The following WDR7 variants were observed in gnomAD, a reference collection of about 807,000 sequenced individuals.
The protein encoded by WDR7 is WD repeat-containing protein 7.
A neutral mutation model predicts 169.4 loss-of-function variants in WDR7; 46 were observed. The ratio of observed to expected loss-of-function variants is 0.27; its 90% confidence interval spans 0.21 to 0.35. The LOEUF (loss-of-function observed/expected upper bound fraction) is 0.35, where lower values mean the gene tolerates loss of function less well. Ranked by LOEUF, WDR7 falls within the 10% of genes least tolerant of loss-of-function variation. The pLI, the probability that WDR7 is intolerant of heterozygous loss-of-function variation, is 1.00. For missense variants in WDR7, 1,534 were observed against 1,859.3 expected (o/e 0.83, Z 3.22); for synonymous variants, 612 against 666.8 (o/e 0.92, Z 1.27).
intron 22 of WDR7, among the ~76,000 whole-genome samples, chr18:56,926,946 C>T (rs2046816759): frequency 6.6e-6 from 1 of 151,884 alleles, no homozygotes; most frequent in Non-Finnish European, 1.5e-5. Flanking sequence ...CCCTGTTGGG[C>T]TGCCCCTTTT....
At chr18:56,802,047 T>C (rs1198849297) in intron 19 of WDR7, among the ~76,000 whole-genome samples, 1 of 152,220 alleles carries the variant, frequency 6.6e-6, no homozygotes, top group Admixed American at 6.5e-5. Context: ...AGTAGAACTG[T>C]CTTCCAAAGC....
Position 56,723,235 on chromosome 18 carries a change from G to A in WDR7, c.1774+5076G>A, listed in dbSNP as rs79770343. ...TTTTTTTTGTTTAAAACAAACAAAA[G>A]TATCTATGATATTTTAAGGAAATTT... On this transcript the variant is annotated intron_variant, in intron 13 of 27. Transcript: ENST00000254442. Among the ~76,000 whole-genome samples the A allele has an allele frequency of 2.7e-3, 410 of 151,034 alleles. 4 individuals carry two copies. In the East Asian group the frequency reaches 0.036, roughly 13 times the overall value.
chr18:56,789,802 C>T lies in WDR7; in HGVS notation c.3190+8146C>T, dbSNP rs556058994. ...AGTTGGTGGCAAGGCCCCTAGGAGG[C>T]GTAGCTGACTTTCTTAGAGGTGTTC... On this transcript the variant is annotated intron_variant, in intron 19 of 27. Transcript: ENST00000254442. 8.5e-5 allele frequency among the ~76,000 whole-genome samples: 13 copies of T among 152,340 alleles called. No homozygotes were observed. In the South Asian group the frequency reaches 2.3e-3, roughly 27 times the overall value.
intron 13 of WDR7, among the ~76,000 whole-genome samples, chr18:56,718,405 A>G (rs532238536): frequency 3.2e-4 from 48 of 152,236 alleles, no homozygotes; most frequent in Non-Finnish European, 6.2e-4. Context: ...TATGGACAAC[A>G]AAGTATATAT....
At chr18:57,014,835 T>C (rs1186171454) in intron 26 of WDR7, among the ~76,000 whole-genome samples, 3 of 151,728 alleles carry the variant, frequency 2.0e-5, no homozygotes, top group Non-Finnish European at 4.4e-5. Context: ...GGAAAGGTTA[T>C]AGTCACTGGG....
intron 14 of WDR7, 35 bp downstream of exon 14, chr18:56,731,632 A>T: frequency 1.3e-6 from 2 of 1,524,030 alleles, no homozygotes; most frequent in Non-Finnish European, 1.8e-6. Context: ...AAGTGTGTAG[A>T]CCCCATTTAA....
chr18:56,813,491 T>C (rs1288362540), intron 19 of WDR7, among the ~76,000 whole-genome samples: 1 of 151,950 alleles, frequency 6.6e-6, no homozygotes, highest in African/African-American at 2.4e-5. Context: ...CATGAATGGA[T>C]GTTGAATTTT....
intron 26 of WDR7, among the ~76,000 whole-genome samples, chr18:56,977,681 A>G (rs897580959): frequency 1.3e-5 from 2 of 152,262 alleles, no homozygotes; most frequent in African/African-American, 2.4e-5. Flanking sequence ...GAAAGGTATT[A>G]AAAACGTAGT....
At chr18:56,970,428 A>G (rs907116208) in intron 26 of WDR7, among the ~76,000 whole-genome samples, 2 of 152,144 alleles carry the variant, frequency 1.3e-5, no homozygotes, top group African/African-American at 4.8e-5. Context: ...TCAATATTTA[A>G]AAAAATGTAT....
At chr18:56,940,507 G>T (rs78341541) in intron 25 of WDR7, among the ~76,000 whole-genome samples, 1,839 of 152,230 alleles carry the variant, frequency 0.012, 51 homozygotes, top group African/African-American at 0.042. Context: ...TCTTGTGATG[G>T]GGTTTGGCAA....
At chr18:56,709,428 A>G (rs1439463565) in intron 12 of WDR7, among the ~76,000 whole-genome samples, 1 of 151,834 alleles carries the variant, frequency 6.6e-6, no homozygotes. Flanking sequence ...ATATAATTAC[A>G]TAATAATAAT....
At chr18:56,865,902 G>A (rs1215731409) in intron 20 of WDR7, among the ~76,000 whole-genome samples, 1 of 151,924 alleles carries the variant, frequency 6.6e-6, no homozygotes, top group Non-Finnish European at 1.5e-5. Flanking sequence ...AGATACCATG[G>A]TCCAAAACTT....
At chr18:56,715,464 G>A (rs1041136977) in intron 12 of WDR7, among the ~76,000 whole-genome samples, 1 of 152,188 alleles carries the variant, frequency 6.6e-6, no homozygotes, top group African/African-American at 2.4e-5. Context: ...TCAGTTAGAT[G>A]TGTGGCACTA....
At chr18:56,902,808 C>G (rs572740521) in intron 21 of WDR7, among the ~76,000 whole-genome samples, 1 of 152,186 alleles carries the variant, frequency 6.6e-6, no homozygotes, top group African/African-American at 2.4e-5. Flanking sequence ...TAATGAGTGA[C>G]TTATGACTCA....
intron 12 of WDR7, among the ~76,000 whole-genome samples, chr18:56,705,147 A>G (rs1382523072): frequency 1.3e-5 from 2 of 152,140 alleles, no homozygotes; most frequent in African/African-American, 2.4e-5. Context: ...ATATTTTTAA[A>G]TGGCAAAAAT....
intron 25 of WDR7, among the ~76,000 whole-genome samples, chr18:56,946,672 A>G (rs921020307): frequency 6.6e-6 from 1 of 151,764 alleles, no homozygotes; most frequent in Non-Finnish European, 1.5e-5. Flanking sequence ...TATGTTATGT[A>G]TGTGTGTGTA....
chr18:56,952,674 C>T (rs1033535593), intron 25 of WDR7, among the ~76,000 whole-genome samples: 17 of 152,104 alleles, frequency 1.1e-4, no homozygotes, highest in Admixed American at 6.6e-5. Context: ...TGGAGAAAAA[C>T]GTTTAAGTGG....
intron 5 of WDR7, among the ~76,000 whole-genome samples, chr18:56,683,270 A>G (rs538752566): frequency 6.6e-6 from 1 of 152,288 alleles, no homozygotes; most frequent in Admixed American, 6.5e-5. Flanking sequence ...GAGAGATTAT[A>G]CACAGTTAAA....
chr18:56,916,973 G>A (rs890861791), intron 21 of WDR7, among the ~76,000 whole-genome samples: 4 of 151,832 alleles, frequency 2.6e-5, no homozygotes, highest in East Asian at 1.9e-4. Flanking sequence ...CGAGGCAGGC[G>A]GATCATGAGG....
Sources: gnomAD v4.1 joint callset for allele counts (sites outside exome capture counted in the v4.1 genomes callset) on GRCh38, gnomAD v4.1.1 for gene constraint, MANE v1.5 for transcripts, NCBI Gene and HGNC (gene_info 2026-07-23, HGNC 2026-07-21) for gene names.